AGMO: variants seen among roughly 807,000 people sequenced by gnomAD.
The protein encoded by AGMO is glyceryl-ether monooxygenase.
AGMO carries 75 observed loss-of-function variants against 60.2 expected under a neutral mutation model. The ratio of observed to expected loss-of-function variants is 1.25; its 90% CI spans 1.03 to 1.51. The LOEUF (loss-of-function observed/expected upper bound fraction) is 1.51, where lower values mean the gene tolerates loss of function less well. Among genes scored for constraint, AGMO ranks in the 40% most tolerant of loss-of-function variants. AGMO has a pLI of 0.00. For synonymous variants in AGMO, 261 were observed against 177.1 expected (o/e 1.47, Z -3.76); for missense variants, 763 against 525.5 (o/e 1.45, Z -4.42).
intron 10 of AGMO, among the ~76,000 whole-genome samples, chr7:15,384,733 T>C (rs1207350461): frequency 8.5e-5 from 13 of 152,120 alleles, no homozygotes; most frequent in Admixed American, 7.2e-4. Context: ...TTTAGTTACC[T>C]TACTGCTTTC....
chr7:15,293,412 A>G (rs923567766), intron 12 of AGMO, among the ~76,000 whole-genome samples: 5 of 152,114 alleles, frequency 3.3e-5, no homozygotes, highest in African/African-American at 4.8e-5. Context: ...GGTAAGGTGA[A>G]TATGTGGGTA....
chr7:15,436,130 C>T (rs1449646676), intron 3 of AGMO, among the ~76,000 whole-genome samples: 1 of 152,122 alleles, frequency 6.6e-6, no homozygotes, highest in Non-Finnish European at 1.5e-5. Context: ...TGCTTGACAC[C>T]ACTGAAATCA....
At chr7:15,382,335 G>A (rs189756202) in intron 10 of AGMO, among the ~76,000 whole-genome samples, 8 of 152,074 alleles carry the variant, frequency 5.3e-5, no homozygotes, top group Admixed American at 3.9e-4. Context: ...ATTTTGTCCA[G>A]GTATATACGA....
intron 12 of AGMO, among the ~76,000 whole-genome samples, chr7:15,262,452 C>G (rs776753988): frequency 6.6e-6 from 1 of 152,004 alleles, no homozygotes; most frequent in South Asian, 2.1e-4. Context: ...AGAAAAACTA[C>G]AAGACACTGC....
intron 10 of AGMO, among the ~76,000 whole-genome samples, chr7:15,373,398 T>C (rs909094697): frequency 5.3e-5 from 8 of 152,040 alleles, no homozygotes; most frequent in Non-Finnish European, 7.4e-5. Context: ...TTTCTTTAAA[T>C]AGATGGGAAA....
At chr7:15,363,717 T>C (rs1782853481) in intron 12 of AGMO, among the ~76,000 whole-genome samples, 1 of 152,154 alleles carries the variant, frequency 6.6e-6, no homozygotes, top group African/African-American at 2.4e-5. Context: ...GAATACCAAA[T>C]GCAGTATGTT....
At chr7:15,480,992 C>CAAGCAT (rs1782733319) in intron 3 of AGMO, among the ~76,000 whole-genome samples, 1 of 148,810 alleles carries the variant, frequency 6.7e-6, no homozygotes, top group South Asian at 2.1e-4. Flanking sequence ...TGTTTATACA[C>CAAGCAT]AATTAATGTA....
At chr7:15,524,941 T>A (rs894838420) in intron 3 of AGMO, among the ~76,000 whole-genome samples, 3 of 151,882 alleles carry the variant, frequency 2.0e-5, no homozygotes, top group Admixed American at 2.0e-4. Flanking sequence ...TATAGAATTA[T>A]ATGTATGTAA....
intron 10 of AGMO, among the ~76,000 whole-genome samples, chr7:15,366,865 G>A (rs1000805831): frequency 2.0e-5 from 3 of 152,006 alleles, no homozygotes; most frequent in African/African-American, 4.8e-5. Context: ...GGGAAAGAAT[G>A]AGTACTATCT....
intron 12 of AGMO, among the ~76,000 whole-genome samples, chr7:15,254,057 T>C (rs1783023819): frequency 1.3e-5 from 2 of 152,216 alleles, no homozygotes; most frequent in African/African-American, 4.8e-5. Flanking sequence ...TTTATCATTT[T>C]TATAACTGTA....
chr7:15,366,321 GT>G, intron 10 of AGMO, 99 bp from the exon 11 acceptor site: 1 of 736,218 alleles, frequency 1.4e-6, no homozygotes, highest in Non-Finnish European at 2.2e-6. Context: ...TTTATGTCCT[GT>G]TGCACCACTT....
chr7:15,251,274 A>T (rs1782927922), intron 12 of AGMO, among the ~76,000 whole-genome samples: 1 of 152,130 alleles, frequency 6.6e-6, no homozygotes, highest in Non-Finnish European at 1.5e-5. Flanking sequence ...CCTCCTAGAG[A>T]TTTGGAATTT....
In AGMO at chr7:15,412,676, T is replaced by C. The variant is rs140026674; in HGVS notation, c.609+5882A>G. The stretch of plus-strand genomic sequence containing the variant: ...GGGCTTTGTAAACACCTCCAGCATT[T>C]CATTATTTAAAAAAAAAAAAAAAAA... On this transcript the variant is annotated intron_variant, in intron 5 of 12. Transcript: ENST00000342526. Among the ~76,000 whole-genome samples, 572 of 144,152 alleles carry C rather than the reference T, an allele frequency of 4.0e-3. 3 individuals carry two copies. Among genetic ancestry groups the C allele is most frequent in the African/African-American group, 0.014 (547 of 38,038 alleles). The allele number at this position is 144,152 out of a possible 152,430, so 94.6% of individuals were successfully genotyped here. A position where few individuals can be genotyped will look rare whatever the true frequency, so the allele number is the denominator to read the frequency against.
the AGMO span, among the ~76,000 whole-genome samples, chr7:15,189,147 C>A: frequency 6.6e-6 from 1 of 151,980 alleles, no homozygotes; most frequent in Non-Finnish European, 1.5e-5. Flanking sequence ...AGAAGAGGGG[C>A]ATTGGGGAAA....
At chr7:15,537,429 T>G (rs1784510083) in intron 3 of AGMO, among the ~76,000 whole-genome samples, 1 of 152,126 alleles carries the variant, frequency 6.6e-6, no homozygotes, top group Non-Finnish European at 1.5e-5. Flanking sequence ...AAACACGGCA[T>G]ATTTTGTGTC....
intron 3 of AGMO, among the ~76,000 whole-genome samples, chr7:15,539,666 A>T (rs1047169025): frequency 2.6e-5 from 4 of 152,278 alleles, no homozygotes; most frequent in Admixed American, 1.3e-4. Context: ...CAATAACTGG[A>T]TTGCTGTGTT....
intron 12 of AGMO, among the ~76,000 whole-genome samples, chr7:15,247,429 C>T (rs994331605): frequency 1.5e-5 from 2 of 132,928 alleles, no homozygotes; most frequent in Admixed American, 8.0e-5. Context: ...CACACACACA[C>T]ACACACACAC....
At chr7:15,189,253 C>A in the AGMO span, among the ~76,000 whole-genome samples, 1 of 151,826 alleles carries the variant, frequency 6.6e-6, no homozygotes. Context: ...AGGGAAATGG[C>A]CTTATTATTA....
intron 10 of AGMO, among the ~76,000 whole-genome samples, chr7:15,384,134 T>C (rs1455225439): frequency 6.6e-6 from 1 of 152,118 alleles, no homozygotes; most frequent in Non-Finnish European, 1.5e-5. Flanking sequence ...AGACGTGGTT[T>C]CACCGTATTA....
Sources: allele counts gnomAD v4.1 joint callset (sites outside exome capture counted in the v4.1 genomes callset), GRCh38; gene constraint gnomAD v4.1.1; transcripts MANE v1.5; gene names NCBI Gene and HGNC (gene_info 2026-07-23, HGNC 2026-07-21).